Variants in GMFG observed in about 807,000 individuals in gnomAD.
GMFG encodes glia maturation factor gamma.
GMFG carries 21 observed loss-of-function variants against 26.1 expected under a neutral mutation model. The observed-to-expected ratio is 0.80, with a 90% confidence interval of 0.57 to 1.16. GMFG has a LOEUF of 1.16. Among genes scored for constraint, GMFG ranks in the 50% most tolerant of loss-of-function variants. The pLI, the probability that GMFG is intolerant of heterozygous loss-of-function variation, is 0.00. For missense variants in GMFG, 161 were observed against 178.3 expected (o/e 0.90, Z 0.55); for synonymous variants, 65 against 60.8 (o/e 1.07, Z -0.32).
intron 4 of GMFG, among the ~76,000 whole-genome samples, chr19:39,331,986 C>T (rs1307475335): frequency 6.6e-6 from 1 of 151,692 alleles, no homozygotes; most frequent in Non-Finnish European, 1.5e-5. Flanking sequence ...ATCAGCCTCC[C>T]AAGTAGCTGG....
intron 1 of GMFG, 40 bp from the exon 2 acceptor site, chr19:39,335,571 T>C (rs758682846): frequency 7.3e-7 from 1 of 1,368,190 alleles, no homozygotes; most frequent in Non-Finnish European, 1.0e-6. Context: ...TGGCCTGGCC[T>C]CAGCCCTCAC....
In GMFG at chr19:39,330,549, C is replaced by T. The variant is rs866792679; in HGVS notation, c.201-923G>A. 2.6e-5 allele frequency among the ~76,000 whole-genome samples: 4 copies of T among 151,774 alleles called. No homozygotes were observed. In the South Asian group the frequency reaches 8.3e-4, roughly 32 times the overall value. Reference sequence around the variant, plus strand: ...GCTCAAGCAATCCTCCTATCTCAGCCTCCAGAGTAGCTGGGAGTATAGGTG... The same window carrying T: ...GCTCAAGCAATCCTCCTATCTCAGCTTCCAGAGTAGCTGGGAGTATAGGTG... On this transcript the variant is annotated intron_variant, in intron 4 of 6. Coordinates refer to ENST00000597595, the MANE Select transcript of GMFG (RefSeq NM_004877.4).
intron 4 of GMFG, 176 bp downstream of exon 4, chr19:39,332,901 C>G: frequency 2.3e-6 from 1 of 426,330 alleles, no homozygotes; most frequent in East Asian, 6.4e-5. Flanking sequence ...TCAAGTGATC[C>G]ACCCTCCTTG....
At chr19:39,329,442 TCA>T in intron 5 of GMFG, 100 bp downstream of exon 5, 2 of 731,670 alleles carry the variant, frequency 2.7e-6, no homozygotes, top group Non-Finnish European at 5.0e-6. Flanking sequence ...TGTCACATGC[TCA>T]CACTCTTACA....
In GMFG at chr19:39,329,357, C is replaced by A. The variant is rs187220877; in HGVS notation, c.283+187G>T. ...CGGGTGGGCTCTTGGTGAATCTGAG[C>A]CCCCACCTCCACTTCACTGCCCTCC... On this transcript the variant is annotated intron_variant, in intron 5 of 6. Coordinates refer to ENST00000597595, the MANE Select transcript of GMFG (RefSeq NM_004877.4). Among the ~76,000 whole-genome samples, 37 of 152,226 alleles carry A rather than the reference C, an allele frequency of 2.4e-4. No individual in the cohort carries two copies. In the East Asian group the frequency reaches 6.8e-3, roughly 28 times the overall value.
intron 1 of GMFG, 150 bp from the exon 2 acceptor site, chr19:39,335,681 A>T: frequency 1.5e-6 from 1 of 672,104 alleles, no homozygotes; most frequent in Non-Finnish European, 2.7e-6. Context: ...CCCTTCCCAC[A>T]GAGTAGATAC....
chr19:39,329,521 A>C, intron 5 of GMFG, 23 bp downstream of exon 5: 1 of 1,381,522 alleles, frequency 7.2e-7, no homozygotes, highest in Non-Finnish European at 1.0e-6. Context: ...CCCTCTCCTG[A>C]GGACAGTAGA....
At chr19:39,330,764 T>C (rs1446868890) in intron 4 of GMFG, among the ~76,000 whole-genome samples, 3 of 152,054 alleles carry the variant, frequency 2.0e-5, no homozygotes, top group African/African-American at 4.8e-5. Flanking sequence ...ATCCAGCTAA[T>C]GTTTTTTGTG....
At chr19:39,335,774 A>G (rs1345575641) in intron 1 of GMFG, among the ~76,000 whole-genome samples, 200 bp downstream of exon 1, 1 of 152,060 alleles carries the variant, frequency 6.6e-6, no homozygotes, top group African/African-American at 2.4e-5. Flanking sequence ...GGGACACTCA[A>G]GGAGGTGCAG....
intron 4 of GMFG, among the ~76,000 whole-genome samples, chr19:39,332,724 T>G (rs1349300956): frequency 6.9e-6 from 1 of 144,228 alleles, no homozygotes; most frequent in East Asian, 2.1e-4. Context: ...AGTGGTGTGA[T>G]CTCAGCTCAC....
chr19:39,335,336 T>C, intron 2 of GMFG, 26 bp from the exon 3 acceptor site: 1 of 1,595,612 alleles, frequency 6.3e-7, no homozygotes, highest in Non-Finnish European at 8.6e-7. Flanking sequence ...ACACAGGGAT[T>C]AGACACTCCC....
intron 3 of GMFG, 85 bp downstream of exon 3, chr19:39,335,176 G>C (rs1018401492): frequency 9.4e-7 from 1 of 1,064,862 alleles, no homozygotes. Context: ...CTACCCCCAT[G>C]CCAGGCTCTT....
intron 1 of GMFG, 91 bp from the exon 2 acceptor site, chr19:39,335,622 A>G: frequency 2.2e-6 from 2 of 896,460 alleles, no homozygotes; most frequent in Non-Finnish European, 3.7e-6. Flanking sequence ...AATGAAGAGG[A>G]GCATCGCGCC....
At chr19:39,332,602 C>T (rs2075231209) in intron 4 of GMFG, among the ~76,000 whole-genome samples, 1 of 146,856 alleles carries the variant, frequency 6.8e-6, no homozygotes, top group East Asian at 2.0e-4. Flanking sequence ...TAAAATATTG[C>T]TATACAAACA....
rs574485435 is a variant in GMFG, at chr19:39,334,262, C to T, written c.150+999G>A. The stretch of plus-strand genomic sequence containing the variant: ...CGATCTCCTGACCTTGTGATCCGCC[C>T]GCCTCAGCCTCCCAAAGTGCTGAGA... On this transcript the variant is annotated intron_variant, in intron 3 of 6. Coordinates refer to ENST00000597595, the MANE Select transcript of GMFG (RefSeq NM_004877.4). Among the ~76,000 whole-genome samples the T allele has an allele frequency of 6.0e-4, 91 of 152,084 alleles. No homozygotes were observed. The South Asian group carries it at 6.6e-3, about 11-fold the overall frequency.
chr19:39,331,743 A>G (rs1600491959), intron 4 of GMFG, among the ~76,000 whole-genome samples: 1 of 152,178 alleles, frequency 6.6e-6, no homozygotes, highest in South Asian at 2.1e-4. Context: ...GCACTGCCCA[A>G]TAGCCTGGGT....
chr19:39,329,499 C>G, intron 5 of GMFG, 45 bp downstream of exon 5: 1 of 1,115,056 alleles, frequency 9.0e-7, no homozygotes, highest in Non-Finnish European at 1.4e-6. Context: ...CACACACACA[C>G]AGAATCGAAG....
At chr19:39,334,144 G>A (rs1369638993) in intron 3 of GMFG, among the ~76,000 whole-genome samples, 1 of 150,246 alleles carries the variant, frequency 6.7e-6, no homozygotes, top group Non-Finnish European at 1.5e-5. Context: ...AGCCTCCCGA[G>A]TAGCTGGGAC....
chr19:39,330,102 G>A (rs1188488554), intron 4 of GMFG, among the ~76,000 whole-genome samples: 1 of 152,084 alleles, frequency 6.6e-6, no homozygotes, highest in Non-Finnish European at 1.5e-5. Context: ...TAATGATAGT[G>A]CTCATTTGAC....
Sources: gnomAD v4.1 joint callset for allele counts (sites outside exome capture counted in the v4.1 genomes callset) on GRCh38, gnomAD v4.1.1 for gene constraint, MANE v1.5 for transcripts, NCBI Gene and HGNC (gene_info 2026-07-23, HGNC 2026-07-21) for gene names.